The following GIGYF2 variants were observed in gnomAD, a reference collection of about 807,000 sequenced individuals.
GIGYF2 encodes GRB10-interacting GYF protein 2.
In GIGYF2, 25 loss-of-function variants were observed where a neutral mutation model predicts 208.1. The observed-to-expected ratio is 0.12, with a 90% CI of 0.09 to 0.17. GIGYF2 has a LOEUF of 0.17. GIGYF2 is among the 10% of genes least tolerant of loss of function. GIGYF2 has a pLI of 1.00. For missense variants in GIGYF2, 1,302 were observed against 1,579.4 expected (o/e 0.82, Z 2.98); for synonymous variants, 534 against 543.8 (o/e 0.98, Z 0.25).
At chr2:232,734,405 T>TC (rs1395987628) in intron 2 of GIGYF2, 2 of 152,020 alleles carry the variant, frequency 1.3e-5, no homozygotes, top group African/African-American at 4.8e-5. Flanking sequence ...CTTTAACATT[T>TC]CTTTTTTTTA....
intron 28 of GIGYF2, among the ~76,000 whole-genome samples, chr2:232,850,985 G>A (rs1002815516): frequency 6.6e-6 from 1 of 152,122 alleles, no homozygotes; most frequent in Non-Finnish European, 1.5e-5. Flanking sequence ...TTCAAGGCAG[G>A]CCTGTTTTCT....
chr2:232,808,416 G>A (rs895017101), intron 15 of GIGYF2, among the ~76,000 whole-genome samples: 7 of 152,158 alleles, frequency 4.6e-5, no homozygotes, highest in African/African-American at 1.7e-4. Flanking sequence ...GCATAGGAGG[G>A]AAACTGTGCA....
At chr2:232,756,187 TC>T (rs1324324622) in intron 5 of GIGYF2, 35 bp from the exon 6 acceptor site, 5 of 1,247,658 alleles carry the variant, frequency 4.0e-6, no homozygotes, top group East Asian at 2.3e-5. Context: ...TTTCTTTTTT[TC>T]CTTTTTCTCT....
At position 232,784,389 on chromosome 2, in the gene GIGYF2, T is replaced by TTTTTTC. The variant is rs1553613387; in HGVS notation, c.533-2756_533-2755insCTTTTT. 3.7e-3 allele frequency among the ~76,000 whole-genome samples: 397 copies of TTTTTTC among 108,390 alleles called. 11 individuals are homozygous for TTTTTTC. The highest frequency in any genetic ancestry group is 0.016 in the African/African-American group (366 of 22,322). The allele number at this position is 108,390 out of a possible 152,430, so 71.1% of individuals were successfully genotyped here. A position where few individuals can be genotyped will look rare whatever the true frequency, so the allele number is the denominator to read the frequency against. On this transcript the variant is annotated intron_variant, in intron 8 of 28. Transcript: ENST00000373563. The stretch of plus-strand genomic sequence containing the variant: ...AGCTACTTACACGAAATAATTTCTT[T>TTTTTTC]TTTTTTTTTTTTTTTTTTGAGACGG...
intron 2 of GIGYF2, chr2:232,729,968 G>T: frequency 4.2e-6 from 3 of 722,794 alleles, no homozygotes; most frequent in Non-Finnish European, 7.7e-6. Flanking sequence ...GACCATACTT[G>T]ACCAAAGCCT....
At chr2:232,753,301 T>C (rs1381973551) in intron 5 of GIGYF2, among the ~76,000 whole-genome samples, 1 of 151,984 alleles carries the variant, frequency 6.6e-6, no homozygotes, top group Non-Finnish European at 1.5e-5. Context: ...TTTTTGTATT[T>C]TTAGTAGAGA....
chr2:232,831,222 G>A (rs1308666428), intron 21 of GIGYF2, among the ~76,000 whole-genome samples: 1 of 152,172 alleles, frequency 6.6e-6, no homozygotes, highest in African/African-American at 2.4e-5. Flanking sequence ...TGTAAGTCAG[G>A]ACTGTACTGA....
Position 232,844,370 on chromosome 2 carries a change from A to G in GIGYF2, c.3101A>G (p.His1034Arg). The G allele has an allele frequency of 2.5e-6, 4 of 1,613,572 alleles. No homozygotes were observed. The highest frequency in any genetic ancestry group is 2.5e-6 in the Non-Finnish European group (3 of 1,179,482). Residue 1034 changes from histidine to arginine, a missense_variant and splice_region_variant, in exon 25 of 29, where the codon CAT (histidine) becomes CGT (arginine). Around this residue, in one of 8 missense-constraint regions of GIGYF2, gnomAD observed 701 missense variants for 793.0 expected, o/e 0.88. Coordinates refer to ENST00000373563, the MANE Select transcript of GIGYF2 (RefSeq NM_001103146.3). ...CATTTTTCTCTTTTTCTTTAACAGC[A>G]TTCCAACCTGCACACCAGCATTGGG... ...QQPNRARNNT[H>R]SNLHTSIGNS...
intron 14 of GIGYF2, among the ~76,000 whole-genome samples, chr2:232,805,132 G>A (rs1161199574): frequency 6.6e-6 from 1 of 151,926 alleles, no homozygotes; most frequent in Admixed American, 6.6e-5. Flanking sequence ...TTGTTTTATT[G>A]CCCCAAATGT....
At chr2:232,836,391 T>TAA (rs1393798666) in intron 22 of GIGYF2, among the ~76,000 whole-genome samples, 2 of 82,932 alleles carry the variant, frequency 2.4e-5, no homozygotes, top group Non-Finnish European at 4.2e-5. Flanking sequence ...TAAATATATA[T>TAA]AAATATAAAT....
intron 8 of GIGYF2, chr2:232,765,228 A>G (rs1003402163): frequency 2.0e-5 from 3 of 152,156 alleles, no homozygotes; most frequent in African/African-American, 7.2e-5. Flanking sequence ...TTTAAAAAAC[A>G]TTGTTCATAA....
chr2:232,768,848 A>G (rs1559416390), intron 8 of GIGYF2: 1 of 1,557,870 alleles, frequency 6.4e-7, no homozygotes, highest in Non-Finnish European at 8.8e-7. Flanking sequence ...TTTTAGAATG[A>G]AGACTTTAAA....
intron 22 of GIGYF2, 42 bp downstream of exon 22, chr2:232,833,135 T>G (rs761573210): frequency 2.9e-6 from 4 of 1,387,572 alleles, no homozygotes; most frequent in Non-Finnish European, 4.0e-6. Flanking sequence ...CTTGCTAACA[T>G]TTTTTAGTTA....
Position 232,794,444 on chromosome 2 carries a change from G to A in GIGYF2, c.1283-304G>A, listed in dbSNP as rs142842549. Among the ~76,000 whole-genome samples, 1,328 of 152,286 alleles carry A rather than the reference G, an allele frequency of 8.7e-3. 35 individuals carry two copies. The highest frequency in any genetic ancestry group is 0.054 in the Admixed American group (832 of 15,294). On this transcript the variant is annotated intron_variant, in intron 12 of 28. Transcript: ENST00000373563. ...AATTGGAGACATGTTATGAAGAAAG[G>A]ATTAGACTGATTGTTTCTAAGAGGT...
chr2:232,836,367 A>T (rs866938345), intron 22 of GIGYF2, among the ~76,000 whole-genome samples: 9 of 60,056 alleles, frequency 1.5e-4, no homozygotes, highest in East Asian at 4.8e-4. Flanking sequence ...TATAAATATA[A>T]ATATATATAA....
intron 2 of GIGYF2, chr2:232,718,966 A>G (rs1011421550): frequency 1.3e-5 from 2 of 151,056 alleles, no homozygotes; most frequent in East Asian, 1.9e-4. Context: ...TAAGTTTTGC[A>G]TAGCTAGGAA....
At chr2:232,786,194 T>C (rs1699902976) in intron 8 of GIGYF2, among the ~76,000 whole-genome samples, 1 of 152,204 alleles carries the variant, frequency 6.6e-6, no homozygotes, top group African/African-American at 2.4e-5. Flanking sequence ...ATTTATGGTA[T>C]GCCTGTATTG....
chr2:232,785,082 T>A (rs1049721925), intron 8 of GIGYF2, among the ~76,000 whole-genome samples: 1 of 124,626 alleles, frequency 8.0e-6, no homozygotes, highest in East Asian at 2.8e-4. Flanking sequence ...ATAAACAACT[T>A]CTTCTTCTTT....
intron 17 of GIGYF2, 131 bp downstream of exon 17, chr2:232,811,482 T>C (rs1028585587): frequency 8.9e-6 from 6 of 675,546 alleles, no homozygotes; most frequent in Non-Finnish European, 1.6e-5. Context: ...GCATGTTGTA[T>C]GTAAAAAAGT....
Sources: allele counts gnomAD v4.1 joint callset (sites outside exome capture counted in the v4.1 genomes callset), GRCh38; gene constraint gnomAD v4.1.1; regional missense constraint gnomAD v4.1.1; transcripts MANE v1.5; gene names NCBI Gene and HGNC (gene_info 2026-07-23, HGNC 2026-07-21).